DNAJC11: variants seen among roughly 807,000 people sequenced by gnomAD.
The protein encoded by DNAJC11 is dnaJ homolog subfamily C member 11.
In DNAJC11, 15 loss-of-function variants were observed where a neutral mutation model predicts 78.6. The observed-to-expected ratio is 0.19, with a 90% CI of 0.13 to 0.29. The LOEUF is 0.29. DNAJC11 is among the 10% of genes least tolerant of loss of function. The pLI is 1.00. For synonymous variants in DNAJC11, 292 were observed against 272.1 expected (o/e 1.07, Z -0.72); for missense variants, 547 against 709.6 (o/e 0.77, Z 2.60).
At chr1:6,665,166 C>T (rs1642275300) in intron 4 of DNAJC11, among the ~76,000 whole-genome samples, 2 of 152,090 alleles carry the variant, frequency 1.3e-5, no homozygotes, top group Admixed American at 1.3e-4. Flanking sequence ...CTCCTGGGCT[C>T]GGGCAACCCT....
intron 10 of DNAJC11, among the ~76,000 whole-genome samples, chr1:6,640,745 A>G (rs1462048886): frequency 1.3e-5 from 2 of 151,984 alleles, no homozygotes; most frequent in Non-Finnish European, 2.9e-5. Flanking sequence ...GTGAGGCGGG[A>G]GAACGCTTCA....
chr1:6,651,920 C>A (rs951840138), intron 6 of DNAJC11, among the ~76,000 whole-genome samples: 1 of 152,046 alleles, frequency 6.6e-6, no homozygotes, highest in African/African-American at 2.4e-5. Flanking sequence ...CCCCCTACCC[C>A]TCCCGGCGCA....
chr1:6,651,841 C>A (rs1642058465), intron 6 of DNAJC11, among the ~76,000 whole-genome samples: 1 of 152,204 alleles, frequency 6.6e-6, no homozygotes, highest in Non-Finnish European at 1.5e-5. Flanking sequence ...TCATTGGTGT[C>A]CCTCCAAAGA....
At chr1:6,643,369 G>T (rs540388887) in intron 10 of DNAJC11, among the ~76,000 whole-genome samples, 1 of 150,262 alleles carries the variant, frequency 6.7e-6, no homozygotes. Flanking sequence ...TCTGCCTCCC[G>T]GGTTCACACC....
intron 3 of DNAJC11, among the ~76,000 whole-genome samples, chr1:6,674,666 T>G (rs1642432211): frequency 6.6e-6 from 1 of 151,992 alleles, no homozygotes; most frequent in Non-Finnish European, 1.5e-5. Flanking sequence ...AGATCGAGAC[T>G]GCAGTAAGCC....
At position 6,634,243 on chromosome 1, in the gene DNAJC11, G is replaced by A. The variant is rs1641708692; in HGVS notation, c.*1432C>T. 2.3e-6 allele frequency: 2 copies of A among 879,444 alleles called. No individual in the cohort carries two copies. The highest frequency in any genetic ancestry group is 1.7e-5 in the South Asian group (1 of 57,374). The allele number at this position is 879,444 out of a possible 1,614,324, so 54.5% of individuals were successfully genotyped here. A position where few individuals can be genotyped will look rare whatever the true frequency, so the allele number is the denominator to read the frequency against. ...TGCAAATGAAACGCAGAGGATGGGT[G>A]CCCAGAAGCACCTGCGGCAGAGGCG... is the stretch of plus-strand genomic sequence containing the variant. On this transcript the variant is annotated 3_prime_UTR_variant, in exon 16 of 16. Transcript: ENST00000377577.
At chr1:6,672,553 A>C (rs1297906701) in intron 3 of DNAJC11, among the ~76,000 whole-genome samples, 1 of 152,224 alleles carries the variant, frequency 6.6e-6, no homozygotes, top group African/African-American at 2.4e-5. Flanking sequence ...CAAATTTTGC[A>C]AATAGTTGGT....
At chr1:6,658,924 C>T (rs766412170) in intron 4 of DNAJC11, among the ~76,000 whole-genome samples, 16 of 152,202 alleles carry the variant, frequency 1.1e-4, no homozygotes, top group Admixed American at 7.2e-4. Flanking sequence ...CAATGCCTGC[C>T]GGCCCTGGGT....
At chr1:6,639,612 G>A (rs148043547) in intron 11 of DNAJC11, among the ~76,000 whole-genome samples, 5 of 152,046 alleles carry the variant, frequency 3.3e-5, no homozygotes, top group East Asian at 1.9e-4. Context: ...GAATACAGGC[G>A]TGAGCCACCA....
intron 4 of DNAJC11, among the ~76,000 whole-genome samples, chr1:6,662,131 T>TG (rs1441478658): frequency 9.5e-5 from 14 of 146,754 alleles, no homozygotes; most frequent in Admixed American, 4.1e-4. Context: ...GTTTTTTGTT[T>TG]TTTGTTTTTT....
chr1:6,643,680 G>A (rs372773846), intron 10 of DNAJC11, among the ~76,000 whole-genome samples: 1 of 152,140 alleles, frequency 6.6e-6, no homozygotes, highest in Non-Finnish European at 1.5e-5. Context: ...GGGATGAACC[G>A]ATATGGCAGC....
intron 1 of DNAJC11, among the ~76,000 whole-genome samples, chr1:6,698,300 A>G (rs971217995): frequency 2.6e-5 from 4 of 152,234 alleles, no homozygotes; most frequent in Non-Finnish European, 5.9e-5. Context: ...CAAACACACA[A>G]ACAGGTATTA....
intron 4 of DNAJC11, among the ~76,000 whole-genome samples, chr1:6,666,915 C>A (rs2148740615): frequency 1.3e-5 from 2 of 152,246 alleles, no homozygotes; most frequent in South Asian, 4.1e-4. Flanking sequence ...GCCATTGAGC[C>A]CTCTTTTTAA....
At chr1:6,698,562 T>C (rs1642876613) in intron 1 of DNAJC11, among the ~76,000 whole-genome samples, 1 of 151,754 alleles carries the variant, frequency 6.6e-6, no homozygotes, top group Non-Finnish European at 1.5e-5. Flanking sequence ...GCATGTTTCA[T>C]ATGGATTTAA....
intron 4 of DNAJC11, among the ~76,000 whole-genome samples, chr1:6,666,699 G>A (rs1458308552): frequency 6.6e-6 from 1 of 152,134 alleles, no homozygotes; most frequent in East Asian, 1.9e-4. Context: ...ACCGCACCCG[G>A]CCTATTCTAT....
intron 14 of DNAJC11, 85 bp downstream of exon 14, chr1:6,637,113 G>A (rs753954217): frequency 4.5e-6 from 7 of 1,564,892 alleles, no homozygotes; most frequent in African/African-American, 1.3e-5. Context: ...GCCTTCCAAA[G>A]TGCTAGGATT....
At position 6,682,259 on chromosome 1, in the gene DNAJC11, C is replaced by CA. The variant is rs924657238; in HGVS notation, c.73-1223dup. ...CAGGACTAATGAGCTTCTTCACCAG[C>CA]AAAAAAAATACAATTTTACTGTACT... On this transcript the variant is annotated intron_variant, in intron 1 of 15. Coordinates refer to ENST00000377577, the MANE Select transcript of DNAJC11 (RefSeq NM_018198.4). Among the ~76,000 whole-genome samples the CA allele has an allele frequency of 1.1e-4, 17 of 150,656 alleles. No homozygotes were observed. In the East Asian group the frequency reaches 2.9e-3, roughly 26 times the overall value.
intron 7 of DNAJC11, among the ~76,000 whole-genome samples, chr1:6,648,542 G>A (rs1642002299): frequency 6.6e-6 from 1 of 151,774 alleles, no homozygotes; most frequent in Non-Finnish European, 1.5e-5. Context: ...CTGCAGCCTC[G>A]ACCTCCTGGC....
Position 6,653,295 on chromosome 1 carries a change from T to C in DNAJC11, c.508-344A>G, listed in dbSNP as rs1480018760. On this transcript the variant is annotated intron_variant, in intron 5 of 15. Coordinates refer to ENST00000377577, the MANE Select transcript of DNAJC11 (RefSeq NM_018198.4). The surrounding 1 kb of genome is among the most constrained non-coding windows in gnomAD (Gnocchi z 4.5). ...TTTGCCATCAGGGTTCCAGGGGGAC[T>C]GAAGACCTTCCCATGGCTGTATTCT... Among the ~76,000 whole-genome samples, 2 of 152,192 alleles carry C rather than the reference T, an allele frequency of 1.3e-5. No individual in the cohort carries two copies. The highest frequency in any genetic ancestry group is 2.4e-5 in the African/African-American group (1 of 41,448).
Sources: gnomAD v4.1 joint callset for allele counts (sites outside exome capture counted in the v4.1 genomes callset) on GRCh38, gnomAD v4.1.1 for gene constraint, Gnocchi (gnomAD v3.1) non-coding constraint, MANE v1.5 for transcripts, NCBI Gene and HGNC (gene_info 2026-07-23, HGNC 2026-07-21) for gene names.